Variants in EMC2 observed in about 807,000 individuals in gnomAD.
The protein encoded by EMC2 is TPR repeat protein 35.
A neutral mutation model predicts 51.6 loss-of-function variants in EMC2; 37 were observed. That is an observed-to-expected ratio of 0.72 (90% CI 0.55 to 0.94). The LOEUF (loss-of-function observed/expected upper bound fraction) is 0.94, where lower values mean the gene tolerates loss of function less well. EMC2 is among the 40% of genes least tolerant of loss of function. The pLI is 0.00. For synonymous variants in EMC2, 131 were observed against 112.4 expected, an observed-to-expected ratio of 1.17 and a Z score of -1.04; for missense variants, 359 against 350.9, an observed-to-expected ratio of 1.02 and a Z score of -0.18.
chr8:108,473,777 G>T (rs1810901424), intron 7 of EMC2: 1 of 152,022 alleles, frequency 6.6e-6, no homozygotes, highest in African/African-American at 2.4e-5. Context: ...GTAAGGAAGA[G>T]AAGAAAACTT....
intron 1 of EMC2, among the ~76,000 whole-genome samples, chr8:108,448,595 C>T (rs766517770): frequency 6.6e-6 from 1 of 151,912 alleles, no homozygotes; most frequent in South Asian, 2.1e-4. Flanking sequence ...ATGACTTTTT[C>T]CTTCTTGTCT....
intron 5 of EMC2, among the ~76,000 whole-genome samples, chr8:108,458,386 A>G (rs1006481628): frequency 1.3e-5 from 2 of 152,112 alleles, no homozygotes; most frequent in African/African-American, 4.8e-5. Flanking sequence ...TCACTTCCAT[A>G]CTACCCTAGC....
chr8:108,453,655 T>C (rs1458712575), intron 4 of EMC2, among the ~76,000 whole-genome samples: 3 of 152,142 alleles, frequency 2.0e-5, no homozygotes, highest in African/African-American at 7.2e-5. Flanking sequence ...ATTTAAATTA[T>C]GATTATTTTT....
At chr8:108,443,784 T>C in intron 1 of EMC2, 86 bp downstream of exon 1, 4 of 1,205,144 alleles carry the variant, frequency 3.3e-6, no homozygotes, top group Non-Finnish European at 4.8e-6. Flanking sequence ...GGAGCTGGGT[T>C]CTCTGGTGTC....
At chr8:108,477,234 G>A (rs549506162) in intron 9 of EMC2, among the ~76,000 whole-genome samples, 3 of 151,988 alleles carry the variant, frequency 2.0e-5, no homozygotes, top group Admixed American at 1.3e-4. Flanking sequence ...CTAAATTATA[G>A]TTGTATGAGG....
chr8:108,472,598 T>C (rs997266564), intron 7 of EMC2, among the ~76,000 whole-genome samples: 13 of 151,886 alleles, frequency 8.6e-5, no homozygotes, highest in African/African-American at 3.1e-4. Context: ...TGGAAATGCA[T>C]ATCTACAGGT....
chr8:108,478,852 C>T (rs191093204), intron 9 of EMC2, among the ~76,000 whole-genome samples, 154 bp from the exon 10 acceptor site: 4 of 151,786 alleles, frequency 2.6e-5, no homozygotes, highest in Admixed American at 6.6e-5. Flanking sequence ...CATTTTTAAG[C>T]ACTAATATTC....
At chr8:108,473,890 C>T (rs1452566320) in intron 7 of EMC2, 1 of 151,942 alleles carries the variant, frequency 6.6e-6, no homozygotes, top group Non-Finnish European at 1.5e-5. Context: ...CTTGTTGAGT[C>T]ACTGTGTGTA....
At chr8:108,446,205 T>A (rs1818874217) in intron 1 of EMC2, 5 of 353,934 alleles carry the variant, frequency 1.4e-5, no homozygotes, top group South Asian at 1.1e-4. Flanking sequence ...GAAATATTAG[T>A]TGAGTGATGA....
chr8:108,453,009 G>A, intron 3 of EMC2, 53 bp from the exon 4 acceptor site: 1 of 938,042 alleles, frequency 1.1e-6, no homozygotes, highest in Non-Finnish European at 1.6e-6. Context: ...GCCATCCATT[G>A]TAGCCCATTT....
intron 1 of EMC2, among the ~76,000 whole-genome samples, chr8:108,446,722 CAT>C (rs997915253): frequency 1.3e-5 from 2 of 152,080 alleles, no homozygotes; most frequent in South Asian, 2.1e-4. Context: ...AAGGTGAAAA[CAT>C]GTTTTCTTCA....
At chr8:108,463,240 A>G (rs184354361) in intron 5 of EMC2, among the ~76,000 whole-genome samples, 169 of 152,318 alleles carry the variant, frequency 1.1e-3, no homozygotes, top group African/African-American at 3.8e-3. Flanking sequence ...TCGAAATAGG[A>G]TATATTTTGA....
rs908664535 is a variant in EMC2 at position 108,470,047 on chromosome 8, T to C, written c.450-15T>C. ...ATATCTACACACTTACTTTTTTTTCTTTTCCTCTCACCAGATTTGTTGGAG... is the reference window on the plus strand; with the variant it reads ...ATATCTACACACTTACTTTTTTTTCCTTTCCTCTCACCAGATTTGTTGGAG... On this transcript the variant is annotated splice_polypyrimidine_tract_variant and intron_variant, in intron 6 of 10. Transcript: ENST00000220853. 1 of 1,611,170 alleles carries C rather than the reference T, an allele frequency of 6.2e-7. No individual in the cohort carries two copies. The highest frequency in any genetic ancestry group is 8.5e-7 in the Non-Finnish European group (1 of 1,178,098).
chr8:108,487,112 A>T lies in EMC2; in HGVS notation c.*514A>T, dbSNP rs1811156722. Among the ~76,000 whole-genome samples the T allele has an allele frequency of 6.6e-6, 1 of 152,052 alleles. No individual in the cohort carries two copies. The highest frequency in any genetic ancestry group is 2.1e-4 in the South Asian group (1 of 4,832). On this transcript the variant is annotated 3_prime_UTR_variant, in exon 11 of 11. Coordinates refer to ENST00000220853, the MANE Select transcript of EMC2 (RefSeq NM_014673.5). Reference sequence around the variant, plus strand: ...TCCAGTGGGCTATTTGAATTGTTTTATCTGCTGTAATATCCTTCTGATGAA... The same window carrying T: ...TCCAGTGGGCTATTTGAATTGTTTTTTCTGCTGTAATATCCTTCTGATGAA...
In EMC2 at chr8:108,456,646, G is replaced by A. The variant is rs115798792; in HGVS notation, c.363+716G>A. Among the ~76,000 whole-genome samples, 919 of 152,052 alleles carry A rather than the reference G, an allele frequency of 6.0e-3. 10 individuals carry two copies. The highest frequency in any genetic ancestry group is 0.021 in the African/African-American group (875 of 41,484). ...TTTTGAACAAGTATATTAGTTTATTGGATAGAATATTTGTTCTGAAGATAC... is the reference window on the plus strand; with the variant it reads ...TTTTGAACAAGTATATTAGTTTATTAGATAGAATATTTGTTCTGAAGATAC... On this transcript the variant is annotated intron_variant, in intron 5 of 10. Transcript: ENST00000220853.
intron 4 of EMC2, among the ~76,000 whole-genome samples, chr8:108,455,015 AT>A: frequency 6.6e-6 from 1 of 150,398 alleles, no homozygotes; most frequent in Non-Finnish European, 1.5e-5. Context: ...TTTGTTTTTG[AT>A]TTTCTGTAAT....
rs2130430813 is a variant in EMC2, at chr8:108,488,570, T to C, written c.*1972T>C. Among the ~76,000 whole-genome samples, 2 of 152,328 alleles carry C rather than the reference T, an allele frequency of 1.3e-5. No individual in the cohort carries two copies. The highest frequency in any genetic ancestry group is 4.1e-4 in the South Asian group (2 of 4,830). The stretch of plus-strand genomic sequence containing the variant: ...ATAAACTTCAACTTAAATGTACTGA[T>C]AATCCCATTACAGCAGGCAGTTGCC... On this transcript the variant is annotated 3_prime_UTR_variant, in exon 11 of 11. Transcript: ENST00000220853.
rs1025864271 is a variant in EMC2 at position 108,488,217 on chromosome 8, T to C, written c.*1619T>C. Among the ~76,000 whole-genome samples, 1 of 149,412 alleles carries C rather than the reference T, an allele frequency of 6.7e-6. No individual in the cohort carries two copies. The highest frequency in any genetic ancestry group is 2.5e-5 in the African/African-American group (1 of 40,478). ...TCTCGTTCTGTCACCCAGGCTGGAG[T>C]GCAGTGACGTGATCGCAGCTCACTG... On this transcript the variant is annotated 3_prime_UTR_variant, in exon 11 of 11. Transcript: ENST00000220853.
At chr8:108,465,381 A>G (rs534162262) in intron 5 of EMC2, among the ~76,000 whole-genome samples, 3 of 152,296 alleles carry the variant, frequency 2.0e-5, no homozygotes, top group Admixed American at 6.5e-5. Flanking sequence ...GCTCACTCCA[A>G]AGTTTAAACA....
Sources: gnomAD v4.1 joint callset for allele counts (sites outside exome capture counted in the v4.1 genomes callset) on GRCh38, gnomAD v4.1.1 for gene constraint, MANE v1.5 for transcripts, NCBI Gene and HGNC (gene_info 2026-07-23, HGNC 2026-07-21) for gene names.